Variants in CTXND2 observed in about 807,000 individuals in gnomAD.
CTXND2 encodes the protein cortexin domain containing 2.
chr1:150,908,090 C>T (rs587730571), intron 1 of CTXND2, among the ~76,000 whole-genome samples: 1 of 151,494 alleles, frequency 6.6e-6, no homozygotes, highest in African/African-American at 2.4e-5. Flanking sequence ...CTCACTGCAG[C>T]CTCCCAGGCT....
chr1:150,912,591 C>T (rs1191077669), exon 2 of CTXND2: 2 of 397,156 alleles, frequency 5.0e-6, no homozygotes, highest in Non-Finnish European at 8.9e-6. Flanking sequence ...TCTTGCATTC[C>T]ACAGTGAGAT....
At chr1:150,898,478 C>T (rs1668939858) in intron 1 of CTXND2, among the ~76,000 whole-genome samples, 1 of 152,092 alleles carries the variant, frequency 6.6e-6, no homozygotes, top group South Asian at 2.1e-4. Flanking sequence ...CCCTTACTGG[C>T]CGGGCGTGGT....
intron 1 of CTXND2, among the ~76,000 whole-genome samples, chr1:150,891,450 T>A (rs587622411): frequency 6.6e-6 from 1 of 152,314 alleles, no homozygotes; most frequent in South Asian, 2.1e-4. Context: ...CCTGACCTCG[T>A]GATCTGCCTG....
At chr1:150,891,890 A>T (rs1668855703) in intron 1 of CTXND2, among the ~76,000 whole-genome samples, 1 of 152,064 alleles carries the variant, frequency 6.6e-6, no homozygotes. Flanking sequence ...CTTCTTTCCC[A>T]CTTTACCCAG....
intron 1 of CTXND2, among the ~76,000 whole-genome samples, chr1:150,893,741 G>A (rs1248156154): frequency 8.6e-5 from 13 of 152,036 alleles, no homozygotes; most frequent in Admixed American, 7.9e-4. Flanking sequence ...TTACAGGTAT[G>A]AGCCACCATA....
At chr1:150,888,061 A>G (rs1266947250) in intron 1 of CTXND2, among the ~76,000 whole-genome samples, 1 of 131,216 alleles carries the variant, frequency 7.6e-6, no homozygotes, top group Non-Finnish European at 1.7e-5. Flanking sequence ...AGAACCTTAA[A>G]AGCCACTTAA....
At chr1:150,904,149 G>T (rs587665146) in intron 1 of CTXND2, 2 of 650,624 alleles carry the variant, frequency 3.1e-6, no homozygotes, top group Non-Finnish European at 5.8e-6. Flanking sequence ...ATCTTTGCCG[G>T]CATTAAAAAG....
intron 1 of CTXND2, among the ~76,000 whole-genome samples, chr1:150,900,588 C>A (rs1394074695): frequency 6.6e-6 from 1 of 152,088 alleles, no homozygotes; most frequent in African/African-American, 2.4e-5. Context: ...GTGGAGGTTA[C>A]AGTCAGCTGA....
At chr1:150,900,177 A>C (rs1198200542) in intron 1 of CTXND2, among the ~76,000 whole-genome samples, 1 of 152,114 alleles carries the variant, frequency 6.6e-6, no homozygotes, top group Admixed American at 6.6e-5. Context: ...TTGGGTCTGC[A>C]CTACCTTTAT....
Position 150,904,053 on chromosome 1 carries a change from A to G in CTXND2, c.-73-8189A>G, listed in dbSNP as rs1175536837. The G allele has an allele frequency of 1.1e-5, 7 of 658,810 alleles. No individual in the cohort carries two copies. The East Asian group carries it at 1.6e-4, about 15-fold the overall frequency. The allele number at this position is 658,810 out of a possible 1,614,324, so 40.8% of individuals were successfully genotyped here. On this transcript the variant is annotated intron_variant, in intron 1 of 1. Transcript: ENST00000636087. ...GTTGGATTCTCTTACACAGATGCCA[A>G]TAAGAACAAAGGCATCATCTGGGGA... is the stretch of plus-strand genomic sequence containing the variant.
At chr1:150,908,175 G>C (rs183856687) in intron 1 of CTXND2, among the ~76,000 whole-genome samples, 62 of 151,620 alleles carry the variant, frequency 4.1e-4, no homozygotes, top group Non-Finnish European at 8.2e-4. Flanking sequence ...ACTAATTTTT[G>C]TATTTTCTGT....
At chr1:150,907,537 A>T (rs897638140) in intron 1 of CTXND2, among the ~76,000 whole-genome samples, 4 of 152,246 alleles carry the variant, frequency 2.6e-5, no homozygotes, top group Admixed American at 1.3e-4. Flanking sequence ...GACATACCAC[A>T]CTTTGCTTAT....
intron 1 of CTXND2, among the ~76,000 whole-genome samples, chr1:150,902,781 A>G (rs921296569): frequency 6.6e-6 from 1 of 152,130 alleles, no homozygotes; most frequent in African/African-American, 2.4e-5. Flanking sequence ...AAAATGACAA[A>G]AAAGCAGACC....
intron 1 of CTXND2, among the ~76,000 whole-genome samples, chr1:150,903,478 G>GA (rs1297451294): frequency 6.6e-6 from 1 of 151,508 alleles, no homozygotes; most frequent in Admixed American, 6.6e-5. Context: ...AGTATGAGAT[G>GA]AAAAAATAAA....
chr1:150,908,679 G>A (rs899239602), intron 1 of CTXND2, among the ~76,000 whole-genome samples: 2 of 151,896 alleles, frequency 1.3e-5, no homozygotes, highest in African/African-American at 2.4e-5. Context: ...CTGGAGTACA[G>A]TGGTGCGATC....
chr1:150,900,554 T>G (rs1668996429), intron 1 of CTXND2, among the ~76,000 whole-genome samples: 1 of 152,106 alleles, frequency 6.6e-6, no homozygotes, highest in Admixed American at 6.6e-5. Flanking sequence ...GGAAACAGGC[T>G]GGAGAATCAC....
intron 1 of CTXND2, among the ~76,000 whole-genome samples, chr1:150,903,336 C>T (rs746504838): frequency 6.6e-6 from 1 of 152,068 alleles, no homozygotes; most frequent in Non-Finnish European, 1.5e-5. Flanking sequence ...CCGCTTCCCA[C>T]CCCTGCAGTC....
chr1:150,902,973 GT>G (rs1669068371), intron 1 of CTXND2, among the ~76,000 whole-genome samples: 1 of 152,018 alleles, frequency 6.6e-6, no homozygotes, highest in Non-Finnish European at 1.5e-5. Context: ...TCCCCTCAAG[GT>G]GAATACTGAA....
chr1:150,898,948 A>ATATC (rs1428204988), intron 1 of CTXND2, among the ~76,000 whole-genome samples: 1 of 147,468 alleles, frequency 6.8e-6, no homozygotes, highest in Non-Finnish European at 1.5e-5. Context: ...ATATATATAT[A>ATATC]TTAGCTGGGC....
Sources: allele counts gnomAD v4.1 joint callset (sites outside exome capture counted in the v4.1 genomes callset), GRCh38; gene constraint gnomAD v4.1.1; transcripts MANE v1.5; gene names NCBI Gene and HGNC (gene_info 2026-07-23, HGNC 2026-07-21).